MYO5C: variants seen among roughly 807,000 people sequenced by gnomAD.
The protein encoded by MYO5C is unconventional myosin-Vc.
In MYO5C, 194 loss-of-function variants were observed where a neutral mutation model predicts 235.7. The ratio of observed to expected loss-of-function variants is 0.82; its 90% CI spans 0.73 to 0.93. The LOEUF is 0.93. Among genes scored for constraint, MYO5C ranks in the 40% least tolerant of loss-of-function variants. The probability of loss-of-function intolerance (pLI) is 0.00; values close to 1 mark genes in which losing one functional copy is unlikely to be tolerated. For missense variants in MYO5C, 2,038 were observed against 2,127.2 expected (o/e 0.96, Z 0.82); for synonymous variants, 707 against 754.8 (o/e 0.94, Z 1.04).
chr15:52,293,269 C>T (rs538554337), intron 1 of MYO5C, among the ~76,000 whole-genome samples: 1 of 152,270 alleles, frequency 6.6e-6, no homozygotes, highest in Admixed American at 6.5e-5. Context: ...TCCATCTCAG[C>T]CCTTCTGCTT....
chr15:52,227,071 G>T (rs1485842078), intron 25 of MYO5C, among the ~76,000 whole-genome samples: 1 of 151,666 alleles, frequency 6.6e-6, no homozygotes, highest in African/African-American at 2.4e-5. Flanking sequence ...AGAATCGCTT[G>T]AACCTGGGAG....
chr15:52,264,087 A>C, intron 9 of MYO5C, 103 bp downstream of exon 9: 3 of 808,970 alleles, frequency 3.7e-6, no homozygotes, highest in Non-Finnish European at 4.0e-6. Flanking sequence ...TCTACCCAGG[A>C]GGCCGACTAT....
At chr15:52,256,787 T>G in intron 10 of MYO5C, 67 bp from the exon 11 acceptor site, 1 of 1,231,652 alleles carries the variant, frequency 8.1e-7, no homozygotes, top group Non-Finnish European at 1.2e-6. Flanking sequence ...TTTATAGATA[T>G]TTTTTGACAC....
At chr15:52,280,072 G>A (rs2037134101) in intron 2 of MYO5C, among the ~76,000 whole-genome samples, 2 of 151,912 alleles carry the variant, frequency 1.3e-5, no homozygotes, top group Non-Finnish European at 2.9e-5. Flanking sequence ...AAATGTTGAG[G>A]CCATGCAAGT....
At chr15:52,223,498 A>C (rs778583683) in intron 29 of MYO5C, 46 bp downstream of exon 29, 1 of 1,564,568 alleles carries the variant, frequency 6.4e-7, no homozygotes, top group Non-Finnish European at 8.7e-7. Flanking sequence ...ACAAAGAACA[A>C]CTCTAGTATG....
intron 9 of MYO5C, among the ~76,000 whole-genome samples, chr15:52,263,180 T>G (rs1382654753): frequency 1.3e-5 from 2 of 152,222 alleles, no homozygotes; most frequent in African/African-American, 4.8e-5. Context: ...TATGGCAGTC[T>G]GAGTTGACTA....
At chr15:52,234,485 G>C (rs951532953) in intron 23 of MYO5C, among the ~76,000 whole-genome samples, 4 of 73,944 alleles carry the variant, frequency 5.4e-5, no homozygotes, top group South Asian at 6.0e-4. Context: ...TTGAAGTTAG[G>C]GGGGAAAAAA....
At chr15:52,204,819 C>T in intron 38 of MYO5C, 46 bp downstream of exon 38, 1 of 1,592,796 alleles carries the variant, frequency 6.3e-7, no homozygotes, top group Non-Finnish European at 8.5e-7. Context: ...TCAAGAGCAT[C>T]CTTTCTGCAG....
In MYO5C at chr15:52,238,711, G is replaced by A. The variant is rs530818599; in HGVS notation, c.2703+1022C>T. ...GGCTGGAGTGCAGTGGCGCGATCTCGGCTCACTGCAAGCTCCGCCTCCCAG... is the reference window on the plus strand; with the variant it reads ...GGCTGGAGTGCAGTGGCGCGATCTCAGCTCACTGCAAGCTCCGCCTCCCAG... On this transcript the variant is annotated intron_variant, in intron 21 of 40. Transcript: ENST00000261839. Among the ~76,000 whole-genome samples the A allele has an allele frequency of 3.3e-5, 5 of 152,054 alleles. No homozygotes were observed. In the East Asian group the frequency reaches 5.8e-4, roughly 18 times the overall value.
intron 16 of MYO5C, among the ~76,000 whole-genome samples, chr15:52,246,691 T>C (rs1340527942): frequency 6.6e-6 from 1 of 152,174 alleles, no homozygotes; most frequent in African/African-American, 2.4e-5. Flanking sequence ...AAACTTTAGT[T>C]GTAGAAGATT....
intron 21 of MYO5C, 111 bp from the exon 22 acceptor site, chr15:52,237,757 C>T: frequency 2.0e-6 from 2 of 983,584 alleles, no homozygotes; most frequent in South Asian, 1.6e-5. Flanking sequence ...TTGCTTTATG[C>T]TGATCACACT....
chr15:52,246,609 T>C (rs776779264), intron 16 of MYO5C, among the ~76,000 whole-genome samples: 2 of 152,236 alleles, frequency 1.3e-5, no homozygotes, highest in Non-Finnish European at 2.9e-5. Context: ...ACAAATGTTC[T>C]GACCTTCTAT....
chr15:52,250,807 C>T (rs2036455225), intron 13 of MYO5C, among the ~76,000 whole-genome samples: 2 of 152,204 alleles, frequency 1.3e-5, no homozygotes, highest in Admixed American at 6.5e-5. Flanking sequence ...TAAGAATGTA[C>T]ATTTAGGGCA....
At chr15:52,295,214 A>G (rs1164044847) in intron 1 of MYO5C, among the ~76,000 whole-genome samples, 1 of 152,154 alleles carries the variant, frequency 6.6e-6, no homozygotes, top group African/African-American at 2.4e-5. Flanking sequence ...GTGGTGTGGT[A>G]GGAAGGGACC....
intron 31 of MYO5C, 91 bp downstream of exon 31, chr15:52,219,668 T>G (rs1305704729): frequency 2.0e-6 from 2 of 990,166 alleles, no homozygotes; most frequent in Non-Finnish European, 3.1e-6. Context: ...ATCTTGCTTT[T>G]TGGCATTAGT....
Position 52,204,971 on chromosome 15 carries a change from C to A in MYO5C, c.4714G>T (p.Val1572Leu), listed in dbSNP as rs772057321. The stretch of plus-strand genomic sequence containing the variant: ...AAGAGCTGCTTCACCGCCTGCCTCA[C>A]AAGCTCGGGGTCCAGGCCGTTCTGG... ...MCQNGLDPELVRQAVKQLFFL... is the reference protein window; with the variant it reads ...MCQNGLDPELLRQAVKQLFFL... Residue 1572 changes from valine to leucine, a missense_variant, in exon 38 of 41, where the codon GTG becomes TTG. Coordinates refer to ENST00000261839, the MANE Select transcript of MYO5C (RefSeq NM_018728.4). 6.2e-7 allele frequency: 1 copy of A among 1,614,254 alleles called. No individual in the cohort carries two copies. The highest frequency in any genetic ancestry group is 1.1e-5 in the South Asian group (1 of 91,088).
intron 39 of MYO5C, 99 bp downstream of exon 39, chr15:52,196,210 G>T: frequency 8.3e-7 from 1 of 1,207,710 alleles, no homozygotes; most frequent in Non-Finnish European, 1.1e-6. Flanking sequence ...AGTACACACA[G>T]AATCAGGGTG....
chr15:52,207,125 C>T (rs1255509541), intron 36 of MYO5C, among the ~76,000 whole-genome samples: 2 of 150,682 alleles, frequency 1.3e-5, no homozygotes, highest in East Asian at 1.9e-4. Context: ...AGAGTGAGAC[C>T]CCCATCTCAA....
chr15:52,235,959 C>T (rs770032297), intron 22 of MYO5C, among the ~76,000 whole-genome samples, 196 bp from the exon 23 acceptor site: 11 of 152,208 alleles, frequency 7.2e-5, no homozygotes, highest in Non-Finnish European at 1.3e-4. Flanking sequence ...AACGTGACTT[C>T]AAAGGTGACA....
Sources: allele counts gnomAD v4.1 joint callset (sites outside exome capture counted in the v4.1 genomes callset), GRCh38; gene constraint gnomAD v4.1.1; transcripts MANE v1.5; gene names NCBI Gene and HGNC (gene_info 2026-07-23, HGNC 2026-07-21).